Variants in TMC2 observed in about 807,000 individuals in gnomAD.
TMC2 encodes the protein transmembrane channel like 2, also known as transmembrane channel-like protein 2.
Under a neutral mutation model 105.9 loss-of-function variants are expected in TMC2, and 102 were observed. The ratio of observed to expected loss-of-function variants is 0.96; its 90% CI spans 0.82 to 1.14. The LOEUF (loss-of-function observed/expected upper bound fraction) is 1.14, where lower values mean the gene tolerates loss of function less well. Among genes scored for constraint, TMC2 ranks in the 50% most tolerant of loss-of-function variants. The pLI, the probability that TMC2 is intolerant of heterozygous loss-of-function variation, is 0.00. For missense variants in TMC2, 1,093 were observed against 1,134.3 expected, an observed-to-expected ratio of 0.96 and a Z score of 0.52; for synonymous variants, 402 against 422.8, an observed-to-expected ratio of 0.95 and a Z score of 0.60.
intron 2 of TMC2, among the ~76,000 whole-genome samples, chr20:2,546,658 A>C (rs2085928279): frequency 6.6e-6 from 1 of 152,152 alleles, no homozygotes; most frequent in South Asian, 2.1e-4. Context: ...TAAGAGTTTC[A>C]CCAGCATGTT....
chr20:2,598,589 G>T (rs1017089035), intron 10 of TMC2, among the ~76,000 whole-genome samples: 1 of 151,614 alleles, frequency 6.6e-6, no homozygotes, highest in African/African-American at 2.4e-5. Flanking sequence ...TAATTTTTTT[G>T]TATTTTTAGT....
rs535702421 is a variant in TMC2 at position 2,639,686 on chromosome 20, A to C, written c.2504-1448A>C. Among the ~76,000 whole-genome samples, 4 of 152,328 alleles carry C rather than the reference A, an allele frequency of 2.6e-5. No individual in the cohort carries two copies. The East Asian group carries it at 7.7e-4, about 29-fold the overall frequency. On this transcript the variant is annotated intron_variant, in intron 19 of 19. Coordinates refer to ENST00000358864, the MANE Select transcript of TMC2 (RefSeq NM_080751.3). ...AGAGAAGCACTGGAATATCTAGAAT[A>C]ATAGAGTGAGAAAAGTCAACATAAA...
intron 19 of TMC2, 92 bp from the exon 20 acceptor site, chr20:2,641,042 C>T (rs888835128): frequency 2.7e-6 from 3 of 1,112,246 alleles, no homozygotes; most frequent in Non-Finnish European, 4.0e-6. Flanking sequence ...AGGACTAAAA[C>T]CTACACACAC....
intron 16 of TMC2, among the ~76,000 whole-genome samples, chr20:2,618,967 C>T (rs1263107055): frequency 2.0e-5 from 3 of 152,222 alleles, no homozygotes; most frequent in East Asian, 3.9e-4. Flanking sequence ...AGGTGAGTGA[C>T]GCCCTACACT....
intron 14 of TMC2, chr20:2,613,533 A>G (rs890967674): frequency 3.3e-6 from 2 of 606,582 alleles, no homozygotes; most frequent in Admixed American, 2.5e-5. Context: ...TGTAATGAAC[A>G]ATGTGACCTT....
chr20:2,573,425 C>T (rs1199332169), intron 5 of TMC2, among the ~76,000 whole-genome samples: 8 of 151,906 alleles, frequency 5.3e-5, no homozygotes, highest in African/African-American at 1.9e-4. Flanking sequence ...GTTGCTTTTG[C>T]AAATGCGATC....
At chr20:2,540,567 G>A (rs1030890292) in intron 2 of TMC2, among the ~76,000 whole-genome samples, 1 of 151,060 alleles carries the variant, frequency 6.6e-6, no homozygotes. Context: ...AGGCAGAGGT[G>A]AGAGAATCGC....
rs550043942 is a variant in TMC2, at chr20:2,538,053, AGGGAGGGCCCTTTCCACTCCCTCCTGT to A, written c.82+749_82+775del. 2.7e-3 allele frequency among the ~76,000 whole-genome samples: 403 copies of A among 151,882 alleles called. 6 individuals are homozygous for A. Among genetic ancestry groups the A allele is most frequent in the African/African-American group, 9.0e-3 (374 of 41,444 alleles). On this transcript the variant is annotated intron_variant, in intron 2 of 19. Transcript: ENST00000358864. Reference sequence around the variant, plus strand: ...GATCTCCTTCCTCCCCCATTCTGGGAGGGAGGGCCCTTTCCACTCCCTCCTGTGGGAGGGCCCTGTCCTGGCCCCACT... The same window carrying A: ...GATCTCCTTCCTCCCCCATTCTGGGAGGGAGGGCCCTGTCCTGGCCCCACT...
chr20:2,573,825 G>A (rs1029601616), intron 5 of TMC2, among the ~76,000 whole-genome samples: 1 of 151,582 alleles, frequency 6.6e-6, no homozygotes, highest in Admixed American at 6.6e-5. Flanking sequence ...CTCCCAAAGT[G>A]CTGGGATTAC....
chr20:2,542,201 T>C (rs943166499), intron 2 of TMC2, among the ~76,000 whole-genome samples: 1 of 152,140 alleles, frequency 6.6e-6, no homozygotes, highest in Non-Finnish European at 1.5e-5. Flanking sequence ...ACAAAGAAGA[T>C]GACTCAAGGA....
At chr20:2,555,814 T>A (rs1299667824) in intron 2 of TMC2, among the ~76,000 whole-genome samples, 1 of 152,202 alleles carries the variant, frequency 6.6e-6, no homozygotes, top group Non-Finnish European at 1.5e-5. Flanking sequence ...TTTTGCTTCC[T>A]TTTTACTTTT....
In TMC2 at chr20:2,612,232, T is replaced by G; in HGVS notation, c.1635T>G (p.Thr545=). 6.2e-7 allele frequency: 1 copy of G among 1,611,530 alleles called. No individual in the cohort carries two copies. The highest frequency in any genetic ancestry group is 8.5e-7 in the Non-Finnish European group (1 of 1,178,668). Residue 545 remains threonine (T), a synonymous_variant, in exon 13 of 20, where the codon ACT becomes ACG. Transcript: ENST00000358864. The stretch of plus-strand genomic sequence containing the variant: ...CAATAAAGAACATCACTCACTGGAC[T>G]CTGTTTAACTATTACAACTCTTCTG... ...EETIKNITHW[T]LFNYYNSSGW...
intron 11 of TMC2, among the ~76,000 whole-genome samples, chr20:2,607,712 T>G (rs1197936560): frequency 6.6e-6 from 1 of 152,258 alleles, no homozygotes; most frequent in Non-Finnish European, 1.5e-5. Context: ...TGTATTGTAT[T>G]GTAGCCACTT....
intron 19 of TMC2, 36 bp from the exon 20 acceptor site, chr20:2,641,098 C>T (rs760575729): frequency 6.3e-7 from 1 of 1,589,870 alleles, no homozygotes; most frequent in Admixed American, 1.7e-5. Context: ...TACAAAATCT[C>T]CCACTTCCTC....
At chr20:2,559,374 G>C (rs2086009420) in intron 3 of TMC2, among the ~76,000 whole-genome samples, 1 of 152,276 alleles carries the variant, frequency 6.6e-6, no homozygotes, top group East Asian at 1.9e-4. Context: ...CAACTAGCAC[G>C]TGTGGGTTAG....
chr20:2,606,960 T>C (rs1472651845), intron 11 of TMC2, among the ~76,000 whole-genome samples: 1 of 150,984 alleles, frequency 6.6e-6, no homozygotes, highest in Non-Finnish European at 1.5e-5. Flanking sequence ...TTATTTATAT[T>C]GTTTTGTGAC....
At chr20:2,560,370 A>G (rs1271798181) in intron 3 of TMC2, among the ~76,000 whole-genome samples, 1 of 152,172 alleles carries the variant, frequency 6.6e-6, no homozygotes, top group Non-Finnish European at 1.5e-5. Flanking sequence ...TAAAACACCC[A>G]GAGGCTGCTG....
chr20:2,556,147 G>T (rs2085983781), intron 2 of TMC2, among the ~76,000 whole-genome samples: 1 of 152,068 alleles, frequency 6.6e-6, no homozygotes, highest in South Asian at 2.1e-4. Context: ...GGAGTGCAGT[G>T]GTGCGATCTC....
Position 2,616,095 on chromosome 20 carries a change from T to C in TMC2, c.1873-42T>C, listed in dbSNP as rs747399528. ...TTGGCTGAATTCACCAAACGTGCTT[T>C]TTTTTTTCTCTCTCTCTCTCGCTCC... On this transcript the variant is annotated intron_variant, in intron 14 of 19. Transcript: ENST00000358864. The surrounding 1 kb of genome is among the most constrained non-coding windows in gnomAD (Gnocchi z 4.8). 7.7e-6 allele frequency: 12 copies of C among 1,565,998 alleles called. No homozygotes were observed. Among genetic ancestry groups the C allele is most frequent in the Non-Finnish European group, 9.7e-6 (11 of 1,139,720 alleles).
Sources: gnomAD v4.1 joint callset for allele counts (sites outside exome capture counted in the v4.1 genomes callset) on GRCh38, gnomAD v4.1.1 for gene constraint, Gnocchi (gnomAD v3.1) non-coding constraint, MANE v1.5 for transcripts, NCBI Gene and HGNC (gene_info 2026-07-23, HGNC 2026-07-21) for gene names.